SEMA3A: variants seen among roughly 807,000 people sequenced by gnomAD.
The protein encoded by SEMA3A is semaphorin 3A.
Under a neutral mutation model 97.9 loss-of-function variants are expected in SEMA3A, and 29 were observed. That is an observed-to-expected ratio of 0.30 (90% CI 0.22 to 0.40). The LOEUF is 0.40. Among genes scored for constraint, SEMA3A ranks in the 10% least tolerant of loss-of-function variants. SEMA3A has a pLI of 1.00. For missense variants in SEMA3A, 763 were observed against 951.3 expected (o/e 0.80, Z 2.60); for synonymous variants, 321 against 323.7 (o/e 0.99, Z 0.09).
At chr7:84,198,410 CAGGTTGGTCTCA>C (rs1798287285), upstream of SEMA3A, among the ~76,000 whole-genome samples, 1 of 152,042 alleles carries the variant, frequency 6.6e-6, no homozygotes, top group Non-Finnish European at 1.5e-5. Flanking sequence ...TCAGGCTGGC[CAGGTTGGTCTCA>C]AACTCCTGAA....
chr7:84,084,646 A>T (rs529583804), intron 4 of SEMA3A, among the ~76,000 whole-genome samples: 1 of 152,232 alleles, frequency 6.6e-6, no homozygotes, highest in Admixed American at 6.5e-5. Flanking sequence ...CTAATGGCTA[A>T]TTTGAACTTG....
intron 2 of SEMA3A, among the ~76,000 whole-genome samples, chr7:84,361,253 T>C (rs567183914): frequency 6.6e-6 from 1 of 152,180 alleles, no homozygotes; most frequent in South Asian, 2.1e-4. Flanking sequence ...TCTCATGAAG[T>C]GCTGAGAATG....
At chr7:84,461,022 T>A (rs1342792067) in intron 1 of SEMA3A, among the ~76,000 whole-genome samples, 1 of 152,170 alleles carries the variant, frequency 6.6e-6, no homozygotes, top group African/African-American at 2.4e-5. Context: ...CCAATACTTT[T>A]AAAATACTTT....
intron 5 of SEMA3A, among the ~76,000 whole-genome samples, chr7:84,055,570 C>G (rs1250970631): frequency 6.6e-6 from 1 of 152,154 alleles, no homozygotes; most frequent in South Asian, 2.1e-4. Context: ...GGCTCGTGCA[C>G]GGTGCGCGCA....
At chr7:84,179,951 T>A (rs1402651318) in intron 1 of SEMA3A, among the ~76,000 whole-genome samples, 3 of 143,494 alleles carry the variant, frequency 2.1e-5, no homozygotes, top group Non-Finnish European at 4.5e-5. Flanking sequence ...AATGCATCTC[T>A]GCTTGACTGT....
At chr7:84,332,346 T>C (rs1351382907) in intron 2 of SEMA3A, among the ~76,000 whole-genome samples, 1 of 152,226 alleles carries the variant, frequency 6.6e-6, no homozygotes, top group Non-Finnish European at 1.5e-5. Flanking sequence ...TTCATGTATA[T>C]GTAATCTACC....
At position 83,961,095 on chromosome 7, in the gene SEMA3A, A is replaced by T. The variant is rs1397327207; in HGVS notation, c.*276T>A. The T allele has an allele frequency of 2.3e-6, 1 of 433,386 alleles. No homozygotes were observed. Among genetic ancestry groups the T allele is most frequent in the East Asian group, 4.8e-5 (1 of 20,984 alleles). 26.8% of individuals were successfully genotyped at this position (433,386 alleles called of 1,614,324 possible). On this transcript the variant is annotated 3_prime_UTR_variant, in exon 17 of 17. Coordinates refer to ENST00000265362, the MANE Select transcript of SEMA3A (RefSeq NM_006080.3). ...TTTCTCAGGCAAAGAAGAAAGACAA[A>T]CCTGTACAGTGAAATCTCATAGGAA... is the stretch of plus-strand genomic sequence containing the variant.
chr7:84,214,481 C>G (rs1346460451), intron 3 of SEMA3A, among the ~76,000 whole-genome samples: 1 of 152,112 alleles, frequency 6.6e-6, no homozygotes, highest in East Asian at 1.9e-4. Flanking sequence ...CTTATACTCA[C>G]AAAACATGAT....
rs534478240 is a variant in SEMA3A, at chr7:84,017,821, G to A, written c.668-3470C>T. Among the ~76,000 whole-genome samples, 7 of 151,842 alleles carry A rather than the reference G, an allele frequency of 4.6e-5. No individual in the cohort carries two copies. In the South Asian group the frequency reaches 6.3e-4, roughly 14 times the overall value. ...GATGAATCACCTCTTTATTCAATCC[G>A]AACCTTCAAATCAGTCATTCCAACT... On this transcript the variant is annotated intron_variant, in intron 6 of 16. Coordinates refer to ENST00000265362, the MANE Select transcript of SEMA3A (RefSeq NM_006080.3).
intron 1 of SEMA3A, among the ~76,000 whole-genome samples, chr7:84,464,620 C>T (rs1237148560): frequency 6.6e-6 from 1 of 152,058 alleles, no homozygotes. Flanking sequence ...CATTTTCCTC[C>T]AATTGCCACA....
intron 13 of SEMA3A, among the ~76,000 whole-genome samples, chr7:83,984,153 G>T (rs1789535421): frequency 6.6e-6 from 1 of 152,078 alleles, no homozygotes; most frequent in South Asian, 2.1e-4. Flanking sequence ...CGTGGAGTTA[G>T]TGCAATTAAG....
At chr7:84,128,983 A>C in intron 3 of SEMA3A, 140 bp downstream of exon 3, 1 of 638,442 alleles carries the variant, frequency 1.6e-6, no homozygotes, top group Non-Finnish European at 2.8e-6. Flanking sequence ...TATCCTAAAG[A>C]TATCTTATTA....
At chr7:84,484,390 T>C (rs1468010750) in intron 1 of SEMA3A, among the ~76,000 whole-genome samples, 2 of 152,150 alleles carry the variant, frequency 1.3e-5, no homozygotes, top group Non-Finnish European at 2.9e-5. Flanking sequence ...AAATTTGTAA[T>C]AAGAGCTTTT....
Position 83,957,815 on chromosome 7 carries a change from T to A in SEMA3A, c.*3556A>T, listed in dbSNP as rs190085143. 6.6e-6 allele frequency: 1 copy of A among 152,208 alleles called. No homozygotes were observed. The highest frequency in any genetic ancestry group is 6.5e-5 in the Admixed American group (1 of 15,274). 9.4% of individuals were successfully genotyped at this position (152,208 alleles called of 1,614,324 possible). A position where few individuals can be genotyped will look rare whatever the true frequency, so the allele number is the denominator to read the frequency against. On this transcript the variant is annotated 3_prime_UTR_variant, in exon 17 of 17. Transcript: ENST00000265362. ...TTACAAATCAAGTTAAAAGTATAGA[T>A]GTCCTTGGTGTTAGACCAGTTTAAC...
intron 3 of SEMA3A, among the ~76,000 whole-genome samples, chr7:84,270,726 TA>T (rs2115701484): frequency 6.6e-6 from 1 of 150,656 alleles, no homozygotes; most frequent in Non-Finnish European, 1.5e-5. Flanking sequence ...TCTTGTTTAG[TA>T]AATCTCAGGA....
chr7:84,223,650 CAG>C (rs2116341438), intron 3 of SEMA3A, among the ~76,000 whole-genome samples: 1 of 151,758 alleles, frequency 6.6e-6, no homozygotes, highest in African/African-American at 2.4e-5. Flanking sequence ...CCATAGAAAA[CAG>C]GCTCTGAGGA....
chr7:84,221,517 T>G (rs1798880807), intron 3 of SEMA3A, among the ~76,000 whole-genome samples: 2 of 152,080 alleles, frequency 1.3e-5, no homozygotes, highest in Admixed American at 1.3e-4. Context: ...TTCTACCTTT[T>G]GATATAAAGT....
intron 1 of SEMA3A, among the ~76,000 whole-genome samples, chr7:84,449,713 T>C (rs1424096745): frequency 6.6e-6 from 1 of 152,082 alleles, no homozygotes; most frequent in Non-Finnish European, 1.5e-5. Flanking sequence ...GTAGAAACTT[T>C]TTCATTAAAT....
At position 84,150,747 on chromosome 7, in the gene SEMA3A, G is replaced by A. The variant is rs540553836; in HGVS notation, c.113-15796C>T. The stretch of plus-strand genomic sequence containing the variant: ...CTGGGTGGAGCCCACCACAGCTCAA[G>A]GAGGCCTGCCTGCCTCTGTAGGCTC... On this transcript the variant is annotated intron_variant, in intron 1 of 16. Coordinates refer to ENST00000265362, the MANE Select transcript of SEMA3A (RefSeq NM_006080.3). Among the ~76,000 whole-genome samples the A allele has an allele frequency of 7.2e-5, 11 of 152,260 alleles. No individual in the cohort carries two copies. The South Asian group carries it at 2.3e-3, about 32-fold the overall frequency.
Sources: gnomAD v4.1 joint callset for allele counts (sites outside exome capture counted in the v4.1 genomes callset) on GRCh38, gnomAD v4.1.1 for gene constraint, MANE v1.5 for transcripts, NCBI Gene and HGNC (gene_info 2026-07-23, HGNC 2026-07-21) for gene names.